The following CXCL13 variants were observed in gnomAD, a reference collection of about 807,000 sequenced individuals.
CXCL13 encodes C-X-C motif chemokine ligand 13.
Under a neutral mutation model 12.2 loss-of-function variants are expected in CXCL13, and 7 were observed. The observed-to-expected ratio is 0.57, with a 90% CI of 0.33 to 1.07. The LOEUF (loss-of-function observed/expected upper bound fraction) is 1.07, where lower values mean the gene tolerates loss of function less well. Ranked by LOEUF, CXCL13 falls within the 50% of genes least tolerant of loss-of-function variation. The pLI is 0.04. For missense variants in CXCL13, 113 were observed against 127.4 expected (o/e 0.89, Z 0.55); for synonymous variants, 47 against 42.4 (o/e 1.11, Z -0.42).
At chr4:77,559,217 A>C (rs1337594589) in intron 1 of CXCL13, among the ~76,000 whole-genome samples, 1 of 152,176 alleles carries the variant, frequency 6.6e-6, no homozygotes, top group Non-Finnish European at 1.5e-5. Flanking sequence ...GTTTATCAGG[A>C]GGTTCCCTTG....
At chr4:77,584,375 T>G (rs576989228) in intron 1 of CXCL13, among the ~76,000 whole-genome samples, 28 of 152,310 alleles carry the variant, frequency 1.8e-4, no homozygotes, top group African/African-American at 6.7e-4. Context: ...TTGATGGGAC[T>G]CATGTGGGTT....
At chr4:77,558,681 G>A (rs1725721932) in intron 1 of CXCL13, among the ~76,000 whole-genome samples, 1 of 152,102 alleles carries the variant, frequency 6.6e-6, no homozygotes, top group African/African-American at 2.4e-5. Context: ...AGGAATCAGA[G>A]GAAAATGAAG....
intron 1 of CXCL13, among the ~76,000 whole-genome samples, chr4:77,599,632 T>C (rs1726848992): frequency 6.6e-6 from 1 of 152,088 alleles, no homozygotes; most frequent in South Asian, 2.1e-4. Flanking sequence ...CTCAACCCCA[T>C]CTGTGAGAAC....
intron 1 of CXCL13, among the ~76,000 whole-genome samples, chr4:77,528,421 A>G (rs1724821764): frequency 6.6e-6 from 1 of 152,156 alleles, no homozygotes; most frequent in African/African-American, 2.4e-5. Flanking sequence ...CTATTTCTCC[A>G]CATCTTCTCC....
intron 1 of CXCL13, among the ~76,000 whole-genome samples, chr4:77,587,533 A>G (rs1459278127): frequency 1.3e-5 from 2 of 152,176 alleles, no homozygotes; most frequent in African/African-American, 2.4e-5. Context: ...GGAGAGACAG[A>G]ATTGCTTAAT....
chr4:77,549,097 C>T (rs1168063300), intron 1 of CXCL13, among the ~76,000 whole-genome samples: 5 of 152,170 alleles, frequency 3.3e-5, no homozygotes, highest in African/African-American at 1.2e-4. Context: ...GATCTTCAAT[C>T]ACTGATATCC....
At chr4:77,582,099 T>C (rs1726348467) in intron 1 of CXCL13, among the ~76,000 whole-genome samples, 2 of 152,168 alleles carry the variant, frequency 1.3e-5, no homozygotes, top group African/African-American at 4.8e-5. Context: ...TCTCCTAATA[T>C]AAAAATTTAA....
At chr4:77,523,702 CT>C (rs1309509288) in intron 1 of CXCL13, among the ~76,000 whole-genome samples, 1 of 152,198 alleles carries the variant, frequency 6.6e-6, no homozygotes, top group African/African-American at 2.4e-5. Context: ...TTTCTGAAGC[CT>C]ACTTCTGTCA....
intron 1 of CXCL13, among the ~76,000 whole-genome samples, chr4:77,591,133 G>A (rs957218214): frequency 6.6e-6 from 1 of 152,098 alleles, no homozygotes; most frequent in East Asian, 1.9e-4. Context: ...CCGCCTGGGC[G>A]TACCATTTAT....
chr4:77,528,828 G>A (rs1454202764), intron 1 of CXCL13, among the ~76,000 whole-genome samples: 1 of 152,176 alleles, frequency 6.6e-6, no homozygotes, highest in Admixed American at 6.6e-5. Flanking sequence ...ATTGCTTTTG[G>A]TGTTTTAGAC....
intron 1 of CXCL13, among the ~76,000 whole-genome samples, chr4:77,585,640 C>G (rs1726438180): frequency 6.6e-6 from 1 of 152,332 alleles, no homozygotes; most frequent in Middle Eastern, 3.4e-3. Flanking sequence ...CCAGTGGACA[C>G]TAAAGTGATG....
intron 1 of CXCL13, among the ~76,000 whole-genome samples, chr4:77,581,489 C>T (rs1726332879): frequency 6.6e-6 from 1 of 152,160 alleles, no homozygotes; most frequent in African/African-American, 2.4e-5. Context: ...GGGAGAAGTG[C>T]CTGGCTCAAG....
intron 1 of CXCL13, among the ~76,000 whole-genome samples, chr4:77,566,869 T>G (rs556764606): frequency 6.6e-6 from 1 of 152,190 alleles, no homozygotes; most frequent in African/African-American, 2.4e-5. Flanking sequence ...ATTATGTTAT[T>G]TAAGGTAATT....
intron 1 of CXCL13, among the ~76,000 whole-genome samples, chr4:77,572,396 G>GT (rs1321881757): frequency 6.6e-6 from 1 of 151,622 alleles, no homozygotes; most frequent in African/African-American, 2.4e-5. Context: ...GTGAGACCCT[G>GT]TCTCAAAAAG....
chr4:77,607,889 C>T, intron 2 of CXCL13, 54 bp downstream of exon 2: 1 of 1,543,970 alleles, frequency 6.5e-7, no homozygotes, highest in Non-Finnish European at 8.9e-7. Context: ...GAAATCAGAT[C>T]AAATGTTACC....
intron 1 of CXCL13, among the ~76,000 whole-genome samples, chr4:77,568,476 T>A (rs570756235): frequency 6.6e-6 from 1 of 152,240 alleles, no homozygotes; most frequent in Non-Finnish European, 1.5e-5. Context: ...TGCTTGCTTA[T>A]GCTCATGTCA....
rs190920185 is a variant in CXCL13, at chr4:77,590,916, G to A, written c.-42-14908G>A. 5.9e-5 allele frequency among the ~76,000 whole-genome samples: 9 copies of A among 152,312 alleles called. No homozygotes were observed. The East Asian group carries it at 1.7e-3, about 29-fold the overall frequency. Reference sequence around the variant, plus strand: ...ATTTATTGAGATGGAGTCTCACTCTGTCACCCAGTCTGGAATGCAGTAGTG... The same window carrying A: ...ATTTATTGAGATGGAGTCTCACTCTATCACCCAGTCTGGAATGCAGTAGTG... On this transcript the variant is annotated intron_variant, in intron 1 of 4. Coordinates refer to the CXCL13 transcript ENST00000286758.
intron 1 of CXCL13, among the ~76,000 whole-genome samples, chr4:77,573,368 G>T (rs1354967926): frequency 2.5e-4 from 21 of 84,308 alleles, no homozygotes; most frequent in Non-Finnish European, 3.7e-4. Context: ...TCTTTTGTGT[G>T]TGTGTGTGTG....
chr4:77,598,616 C>T (rs770353876), intron 1 of CXCL13, among the ~76,000 whole-genome samples: 2 of 152,100 alleles, frequency 1.3e-5, no homozygotes, highest in Non-Finnish European at 2.9e-5. Context: ...CTGGAAGATG[C>T]CTCATGAGAG....
Sources: allele counts gnomAD v4.1 joint callset (sites outside exome capture counted in the v4.1 genomes callset), GRCh38; gene constraint gnomAD v4.1.1; transcripts MANE v1.5; gene names NCBI Gene and HGNC (gene_info 2026-07-23, HGNC 2026-07-21).